The following BIRC6 variants were observed in gnomAD, a reference collection of about 807,000 sequenced individuals.
BIRC6 encodes dual E2 ubiquitin-conjugating enzyme/E3 ubiquitin-protein ligase BIRC6.
A neutral mutation model predicts 503.3 loss-of-function variants in BIRC6; 98 were observed. The ratio of observed to expected loss-of-function variants is 0.19; its 90% confidence interval spans 0.17 to 0.23. BIRC6 has a LOEUF of 0.23. BIRC6 is among the 10% of genes least tolerant of loss of function. The pLI is 1.00. For missense variants in BIRC6, 5,360 were observed against 5,806.0 expected, an observed-to-expected ratio of 0.92 and a Z score of 2.50; for synonymous variants, 2,240 against 2,078.7, an observed-to-expected ratio of 1.08 and a Z score of -2.11.
intron 6 of BIRC6, among the ~76,000 whole-genome samples, chr2:32,397,639 T>TAC (rs750005767): frequency 7.7e-5 from 11 of 142,214 alleles, no homozygotes; most frequent in Middle Eastern, 7.4e-3. Context: ...TGTATATATA[T>TAC]ACACACACAC....
chr2:32,577,499 A>G (rs1422650619), intron 66 of BIRC6, among the ~76,000 whole-genome samples: 1 of 152,156 alleles, frequency 6.6e-6, no homozygotes, highest in African/African-American at 2.4e-5. Flanking sequence ...GTGAAAATAA[A>G]ACCAGTAAAT....
intron 65 of BIRC6, among the ~76,000 whole-genome samples, chr2:32,569,271 G>A (rs62136331): frequency 0.02 from 3,093 of 152,274 alleles, 57 homozygotes; most frequent in Non-Finnish European, 0.03. Context: ...TTATAGGCGT[G>A]AGCCACCGCA....
chr2:32,521,643 A>ATT (rs34394759), intron 57 of BIRC6, among the ~76,000 whole-genome samples: 234 of 140,922 alleles, frequency 1.7e-3, no homozygotes, highest in Middle Eastern at 3.6e-3. Flanking sequence ...TAATTTTTGT[A>ATT]TTTTTTTTTT....
chr2:32,370,316 GTA>G (rs750858613), intron 1 of BIRC6, among the ~76,000 whole-genome samples: 1 of 80,438 alleles, frequency 1.2e-5, no homozygotes, highest in African/African-American at 6.8e-5. Flanking sequence ...TTATAGCAAA[GTA>G]AGTGGTCTGA....
At chr2:32,456,232 C>T (rs1238743368) in intron 23 of BIRC6, among the ~76,000 whole-genome samples, 1 of 152,098 alleles carries the variant, frequency 6.6e-6, no homozygotes, top group Non-Finnish European at 1.5e-5. Flanking sequence ...CATTCTTGAA[C>T]AGTGGTTGAG....
intron 32 of BIRC6, among the ~76,000 whole-genome samples, chr2:32,472,163 T>C (rs1456582628): frequency 1.3e-5 from 2 of 152,180 alleles, no homozygotes; most frequent in Non-Finnish European, 2.9e-5. Context: ...ACCTCCTGGG[T>C]TCACAGGATT....
intron 45 of BIRC6, 143 bp downstream of exon 45, chr2:32,493,810 G>GGT: frequency 1.6e-6 from 1 of 630,748 alleles, no homozygotes; most frequent in Admixed American, 3.0e-5. Context: ...AGGATATATT[G>GGT]GTGTGTTTCC....
intron 1 of BIRC6, among the ~76,000 whole-genome samples, chr2:32,361,251 A>T (rs996825444): frequency 4.3e-4 from 65 of 152,302 alleles, no homozygotes; most frequent in African/African-American, 1.5e-3. Context: ...TATACAGTAT[A>T]AACTCGAGTA....
chr2:32,485,334 C>G (rs966720233), intron 39 of BIRC6, among the ~76,000 whole-genome samples: 2 of 152,170 alleles, frequency 1.3e-5, no homozygotes, highest in Admixed American at 6.5e-5. Flanking sequence ...TTCTTCTTGT[C>G]TGTATTTATA....
chr2:32,533,353 TTCCACACAAAGTGGTGAAA>T (rs1359719778), intron 61 of BIRC6, among the ~76,000 whole-genome samples: 1 of 152,238 alleles, frequency 6.6e-6, no homozygotes, highest in Non-Finnish European at 1.5e-5. Flanking sequence ...TAGCTGAGAT[TTCCACACAAAGTGGTGAAA>T]GTACAACCTG....
rs962455428 is a variant in BIRC6, at chr2:32,479,565, C to G, written c.7356C>G (p.Ser2452=). ...AGDSDDSLQQ[S]SVQLLETIDE... ...ACTCTGATGACTCCCTTCAACAGTC[C>G]TCAGTTCAGTTGCTGGAAACTATAG... Residue 2452 remains serine, a synonymous_variant, in exon 37 of 74, where the codon TCC becomes TCG. Coordinates refer to ENST00000421745, the MANE Select transcript of BIRC6 (RefSeq NM_016252.4). 7 of 1,609,258 alleles carry G rather than the reference C, an allele frequency of 4.3e-6. No individual in the cohort carries two copies. Among genetic ancestry groups the G allele is most frequent in the Middle Eastern group, 1.6e-4 (1 of 6,076 alleles).
chr2:32,374,150 C>T (rs2036383798), intron 1 of BIRC6, among the ~76,000 whole-genome samples: 2 of 151,944 alleles, frequency 1.3e-5, no homozygotes, highest in Admixed American at 1.3e-4. Flanking sequence ...CTCAACTGTA[C>T]ACTTAAATGA....
chr2:32,397,065 G>A (rs1011679553), intron 6 of BIRC6, among the ~76,000 whole-genome samples: 1 of 152,052 alleles, frequency 6.6e-6, no homozygotes. Flanking sequence ...TGTAATAAAA[G>A]TTCTGTGACT....
At chr2:32,592,607 T>G (rs1344515134) in intron 66 of BIRC6, among the ~76,000 whole-genome samples, 1 of 152,110 alleles carries the variant, frequency 6.6e-6, no homozygotes, top group Non-Finnish European at 1.5e-5. Context: ...TTTTTTTTTT[T>G]TCTGGGAGAT....
rs2051165988 is a variant in BIRC6 at position 32,487,756 on chromosome 2, T to A, written c.7923T>A (p.Val2641=). ...IQLSSVPMLN[V]CFNKLFSMLQ... ...TATCATCTGTCCCAATGTTAAATGT[T>A]TGTTTCAACAAACTTTTTTCCATGC... The change falls in exon 41 of 74, where the codon GTT becomes GTA. Residue 2641 remains valine, a synonymous_variant. Coordinates refer to ENST00000421745, the MANE Select transcript of BIRC6 (RefSeq NM_016252.4). 2 of 1,613,610 alleles carry A rather than the reference T, an allele frequency of 1.2e-6. No individual in the cohort carries two copies. The highest frequency in any genetic ancestry group is 8.5e-7 in the Non-Finnish European group (1 of 1,179,598).
At chr2:32,358,094 C>G (rs1052358005) in intron 1 of BIRC6, among the ~76,000 whole-genome samples, 10 of 151,438 alleles carry the variant, frequency 6.6e-5, no homozygotes, top group Admixed American at 5.3e-4. Context: ...GGCGGGCCAG[C>G]TGCCTGAACT....
chr2:32,452,219 G>A (rs1295246424), intron 22 of BIRC6, among the ~76,000 whole-genome samples: 1 of 152,106 alleles, frequency 6.6e-6, no homozygotes, highest in African/African-American at 2.4e-5. Flanking sequence ...ACGGAGGCAG[G>A]TAGGAGAATC....
intron 16 of BIRC6, among the ~76,000 whole-genome samples, chr2:32,440,720 C>T (rs768628622): frequency 3.4e-5 from 5 of 145,528 alleles, no homozygotes; most frequent in Admixed American, 6.8e-5. Context: ...ACATATCTCA[C>T]GTAGTTATTT....
intron 73 of BIRC6, among the ~76,000 whole-genome samples, chr2:32,613,383 A>C (rs1034553272): frequency 6.6e-6 from 1 of 150,516 alleles, no homozygotes; most frequent in Non-Finnish European, 1.5e-5. Context: ...TATTTATTTT[A>C]TTTATTTATT....
Sources: gnomAD v4.1 joint callset for allele counts (sites outside exome capture counted in the v4.1 genomes callset) on GRCh38, gnomAD v4.1.1 for gene constraint, MANE v1.5 for transcripts, NCBI Gene and HGNC (gene_info 2026-07-23, HGNC 2026-07-21) for gene names.